The following CCDC62 variants were observed in gnomAD, a reference collection of about 807,000 sequenced individuals.
CCDC62 encodes the protein coiled-coil domain containing 62.
CCDC62 carries 72 observed loss-of-function variants against 80.8 expected under a neutral mutation model. That is an observed-to-expected ratio of 0.89 (90% CI 0.74 to 1.08). The LOEUF (loss-of-function observed/expected upper bound fraction) is 1.08. CCDC62 is among the 50% of genes least tolerant of loss of function. The probability of loss-of-function intolerance (pLI) is 0.00; values close to 1 mark genes in which losing one functional copy is unlikely to be tolerated. For synonymous variants in CCDC62, 286 were observed against 296.5 expected, an observed-to-expected ratio of 0.96 and a Z score of 0.36; for missense variants, 704 against 809.4, an observed-to-expected ratio of 0.87 and a Z score of 1.58.
chr12:122,824,382 C>T lies in CCDC62; in HGVS notation c.*40+923C>T, dbSNP rs532328463. Reference sequence around the variant, plus strand: ...AATTAGCCAAGATTGCACCATTGCACTCCAGCCGGGCGACAATAATGAGAC... The same window carrying T: ...AATTAGCCAAGATTGCACCATTGCATTCCAGCCGGGCGACAATAATGAGAC... On this transcript the variant is annotated intron_variant, in intron 12 of 12. Transcript: ENST00000253079. Among the ~76,000 whole-genome samples the T allele has an allele frequency of 1.3e-3, 203 of 152,202 alleles. 2 individuals are homozygous for T. The highest frequency in any genetic ancestry group is 4.5e-3 in the African/African-American group (188 of 41,512).
intron 10 of CCDC62, among the ~76,000 whole-genome samples, chr12:122,810,778 C>CA (rs1262758716): frequency 6.6e-6 from 1 of 152,062 alleles, no homozygotes; most frequent in Non-Finnish European, 1.5e-5. Flanking sequence ...CCCAAATGTC[C>CA]AAAAATGATA....
intron 5 of CCDC62, among the ~76,000 whole-genome samples, chr12:122,790,160 C>G (rs1214069750): frequency 6.6e-6 from 1 of 152,040 alleles, no homozygotes; most frequent in Non-Finnish European, 1.5e-5. Context: ...AAGCAATTCT[C>G]CTGCCTCAGC....
chr12:122,784,833 T>A (rs1177446294), intron 3 of CCDC62, among the ~76,000 whole-genome samples: 1 of 151,592 alleles, frequency 6.6e-6, no homozygotes, highest in East Asian at 1.9e-4. Flanking sequence ...AGGTCCTATC[T>A]CTTTAAAACA....
At position 122,806,159 on chromosome 12, in the gene CCDC62, T is replaced by C. The variant is rs1209478649; in HGVS notation, c.1715T>C (p.Ile572Thr). 1 of 1,612,480 alleles carries C rather than the reference T, an allele frequency of 6.2e-7. No individual in the cohort carries two copies. The highest frequency in any genetic ancestry group is 1.3e-5 in the African/African-American group (1 of 74,832). Residue 572 changes from isoleucine to threonine, a missense_variant, in exon 10 of 13, where the codon ATT becomes ACT. Transcript: ENST00000253079. ...TQHDSPASEL[I>T]AIQDSHSLGS... Reference sequence around the variant, plus strand: ...GGTTTTCTTATTCTTAGTGAGCTAATTGCCATCCAAGATTCCCACTCTTTG... The same window carrying C: ...GGTTTTCTTATTCTTAGTGAGCTAACTGCCATCCAAGATTCCCACTCTTTG...
chr12:122,808,420 G>A (rs1230770038), intron 10 of CCDC62, among the ~76,000 whole-genome samples: 1 of 152,152 alleles, frequency 6.6e-6, no homozygotes, highest in Non-Finnish European at 1.5e-5. Flanking sequence ...TACAAATAAA[G>A]CTGCTTGCAT....
intron 11 of CCDC62, among the ~76,000 whole-genome samples, chr12:122,815,535 C>T (rs2032128763): frequency 6.6e-6 from 1 of 152,190 alleles, no homozygotes; most frequent in African/African-American, 2.4e-5. Flanking sequence ...CAAGCTCCGC[C>T]TCCCGGGTTC....
rs756785181 is a variant in CCDC62 at position 122,788,942 on chromosome 12, C to T, written c.670+13C>T. ...AACAAACTAAAAGGTAAGGAAGAGACCTACATTTAAGATACAAATGTATTA... is the reference window on the plus strand; with the variant it reads ...AACAAACTAAAAGGTAAGGAAGAGATCTACATTTAAGATACAAATGTATTA... On this transcript the variant is annotated intron_variant, in intron 5 of 12. Transcript: ENST00000253079. 13 of 1,558,214 alleles carry T rather than the reference C, an allele frequency of 8.3e-6. No individual in the cohort carries two copies. The Admixed American group carries it at 2.5e-4, about 30-fold the overall frequency.
chr12:122,796,630 G>A (rs186685509), intron 6 of CCDC62, among the ~76,000 whole-genome samples: 187 of 152,062 alleles, frequency 1.2e-3, no homozygotes, highest in Non-Finnish European at 2.4e-3. Flanking sequence ...GGCTGAGGCG[G>A]GTAGATCACA....
intron 2 of CCDC62, among the ~76,000 whole-genome samples, chr12:122,780,690 G>A (rs1879803898): frequency 6.6e-6 from 1 of 151,514 alleles, no homozygotes; most frequent in East Asian, 1.9e-4. Flanking sequence ...AATAAGCTTT[G>A]GCGTAATCAT....
chr12:122,824,068 A>G (rs4759389), intron 12 of CCDC62, among the ~76,000 whole-genome samples: 121,813 of 152,090 alleles, frequency 0.8, 49,764 homozygotes, highest in Middle Eastern at 0.9. Context: ...AAAAATCAGA[A>G]TCTAATATGA....
At chr12:122,787,068 G>A (rs1213951910) in intron 4 of CCDC62, among the ~76,000 whole-genome samples, 3 of 152,188 alleles carry the variant, frequency 2.0e-5, no homozygotes, top group Non-Finnish European at 4.4e-5. Context: ...TTCCATCATA[G>A]CAAACTCTGG....
At position 122,785,819 on chromosome 12, in the gene CCDC62, A is replaced by G; in HGVS notation, c.497A>G (p.Lys166Arg). 1 of 1,595,290 alleles carries G rather than the reference A, an allele frequency of 6.3e-7. No individual in the cohort carries two copies. Among genetic ancestry groups the G allele is most frequent in the Non-Finnish European group, 8.6e-7 (1 of 1,163,008 alleles). The change falls in exon 4 of 13, where the codon AAG (lysine) becomes AGG (arginine). Residue 166 changes from lysine (K) to arginine (R), a missense_variant and splice_region_variant. Physicochemically the swap from Lys to Arg is conservative, Grantham distance 26 (BLOSUM62 2). Transcript: ENST00000253079. Reference sequence around the variant, plus strand: ...GCTCTTACGACAATGATAAAGCTAAAGGTAATCAAAAATAAGAATTCCTCC... The same window carrying G: ...GCTCTTACGACAATGATAAAGCTAAGGGTAATCAAAAATAAGAATTCCTCC... ...EQALTTMIKL[K>R]DKDIIEAVNH...
chr12:122,800,987 G>A (rs893234358), intron 8 of CCDC62, 137 bp from the exon 9 acceptor site: 2 of 822,158 alleles, frequency 2.4e-6, no homozygotes, highest in Admixed American at 2.8e-5. Flanking sequence ...GGAGAAGGTC[G>A]GGCTGGAATT....
At chr12:122,822,207 G>A (rs1201910227) in intron 11 of CCDC62, among the ~76,000 whole-genome samples, 2 of 150,238 alleles carry the variant, frequency 1.3e-5, no homozygotes, top group Non-Finnish European at 3.0e-5. Flanking sequence ...AGGTTCAAGC[G>A]ATTCTCCTGC....
chr12:122,812,795 G>GAA lies in CCDC62; in HGVS notation c.1852-473_1852-472dup, dbSNP rs1441275782. ...AGAGAGAGAGAAAGAAAGAAAGAAA[G>GAA]AAAGAAAGAAAGAAAGAAAGAAAGA... On this transcript the variant is annotated intron_variant, in intron 10 of 12. Coordinates refer to ENST00000253079, the MANE Select transcript of CCDC62 (RefSeq NM_201435.5). Among the ~76,000 whole-genome samples, 3 of 145,542 alleles carry GAA rather than the reference G, an allele frequency of 2.1e-5. No individual in the cohort carries two copies. The South Asian group carries it at 6.7e-4, about 33-fold the overall frequency.
chr12:122,801,602 T>C lies in CCDC62; in HGVS notation c.1456T>C (p.Cys486Arg), dbSNP rs755888041. Residue 486 changes from cysteine to arginine, a missense_variant, in exon 9 of 13, where the codon TGT becomes CGT. Transcript: ENST00000253079. ...ACATCCAGAAAAGCTGGATGTAGAA[T>C]GTCAAGATCAGATGGAAAGGTCCGA... ...SKHPEKLDVE[C>R]QDQMERSEIS... The C allele has an allele frequency of 6.2e-7, 1 of 1,614,130 alleles. No homozygotes were observed. The highest frequency in any genetic ancestry group is 8.5e-7 in the Non-Finnish European group (1 of 1,180,024).
chr12:122,775,253 C>T (rs1176489869), intron 1 of CCDC62, among the ~76,000 whole-genome samples: 2 of 152,172 alleles, frequency 1.3e-5, no homozygotes, highest in African/African-American at 4.8e-5. Context: ...GTCTGGGGAG[C>T]TGCTTTCCCA....
chr12:122,789,361 C>T (rs1188320334), intron 5 of CCDC62, among the ~76,000 whole-genome samples: 1 of 152,350 alleles, frequency 6.6e-6, no homozygotes, highest in Non-Finnish European at 1.5e-5. Context: ...GTCTTGCTAT[C>T]AGGCTAGCCT....
chr12:122,791,283 C>T (rs574700321), intron 5 of CCDC62, among the ~76,000 whole-genome samples: 1 of 151,830 alleles, frequency 6.6e-6, no homozygotes, highest in East Asian at 1.9e-4. Flanking sequence ...GGATTACAGT[C>T]GCCCACCACC....
Sources: gnomAD v4.1 joint callset for allele counts (sites outside exome capture counted in the v4.1 genomes callset) on GRCh38, gnomAD v4.1.1 for gene constraint, MANE v1.5 for transcripts, NCBI Gene and HGNC (gene_info 2026-07-23, HGNC 2026-07-21) for gene names.